Variants in FOXP2 observed in about 807,000 individuals in gnomAD.
FOXP2 encodes the protein forkhead box P2, also known as forkhead box protein P2.
Under a neutral mutation model 115.8 loss-of-function variants are expected in FOXP2, and 12 were observed. That is an observed-to-expected ratio of 0.10 (90% CI 0.07 to 0.17). The LOEUF (loss-of-function observed/expected upper bound fraction) is 0.17, where lower values mean the gene tolerates loss of function less well. Among genes scored for constraint, FOXP2 ranks in the 10% least tolerant of loss-of-function variants. The pLI is 1.00. For missense variants in FOXP2, 629 were observed against 843.5 expected (o/e 0.75, Z 3.15); for synonymous variants, 328 against 297.7 (o/e 1.10, Z -1.05).
intron 1 of FOXP2, among the ~76,000 whole-genome samples, chr7:114,143,147 C>CAATAATAATAATAATAATAATAAT (rs77761140): frequency 7.2e-6 from 1 of 139,552 alleles, no homozygotes; most frequent in Non-Finnish European, 1.5e-5. Flanking sequence ...GACCCTGTCT[C>CAATAATAATAATAATAATAATAAT]AATAATAATA....
chr7:114,122,321 C>G (rs1791587808), intron 1 of FOXP2, among the ~76,000 whole-genome samples: 1 of 151,678 alleles, frequency 6.6e-6, no homozygotes. Context: ...GTTTTTAAGT[C>G]CCCTTAAAAG....
intron 2 of FOXP2, among the ~76,000 whole-genome samples, chr7:114,348,140 G>A (rs1791392267): frequency 6.6e-6 from 1 of 151,972 alleles, no homozygotes; most frequent in African/African-American, 2.4e-5. Context: ...GAGTTTTATA[G>A]CAAGAATTGT....
intron 3 of FOXP2, among the ~76,000 whole-genome samples, chr7:114,586,983 C>T (rs1351800501): frequency 1.3e-5 from 2 of 151,644 alleles, no homozygotes; most frequent in African/African-American, 4.8e-5. Flanking sequence ...GTTAATAAAG[C>T]CAAATTAACC....
At chr7:114,160,370 G>GAAGA (rs1264414240), upstream of FOXP2, among the ~76,000 whole-genome samples, 1 of 152,048 alleles carries the variant, frequency 6.6e-6, no homozygotes, top group African/African-American at 2.4e-5. Flanking sequence ...CAGACAATAA[G>GAAGA]AAGAGTTCTT....
intron 2 of FOXP2, among the ~76,000 whole-genome samples, chr7:114,511,390 G>A (rs916433311): frequency 1.3e-5 from 2 of 152,022 alleles, no homozygotes; most frequent in East Asian, 3.9e-4. Flanking sequence ...GACATTTCTC[G>A]ATATCTCTTG....
chr7:114,157,617 C>G (rs1378630456), intron 1 of FOXP2, among the ~76,000 whole-genome samples: 1 of 152,034 alleles, frequency 6.6e-6, no homozygotes, highest in Non-Finnish European at 1.5e-5. Flanking sequence ...TATTCAGGAG[C>G]CCCTCCCTAT....
chr7:114,587,331 G>C (rs1000791242), intron 3 of FOXP2, among the ~76,000 whole-genome samples: 1 of 151,946 alleles, frequency 6.6e-6, no homozygotes, highest in African/African-American at 2.4e-5. Flanking sequence ...TGCAGTGTTT[G>C]GTTTTCTGAT....
At chr7:114,094,979 T>C (rs1250568431) in intron 1 of FOXP2, among the ~76,000 whole-genome samples, 1 of 152,194 alleles carries the variant, frequency 6.6e-6, no homozygotes, top group African/African-American at 2.4e-5. Context: ...CAAATCTCAG[T>C]GAACTCTCCT....
intron 1 of FOXP2, among the ~76,000 whole-genome samples, chr7:114,253,326 A>G (rs956332636): frequency 7.9e-5 from 12 of 152,072 alleles, no homozygotes; most frequent in Admixed American, 7.2e-4. Context: ...TGCAGAGCTG[A>G]GTTCAATTCC....
chr7:114,439,420 A>G (rs1794500608), intron 2 of FOXP2, among the ~76,000 whole-genome samples: 1 of 152,302 alleles, frequency 6.6e-6, no homozygotes, highest in African/African-American at 2.4e-5. Flanking sequence ...CTTCAAATTC[A>G]GACATCTCTA....
intron 1 of FOXP2, among the ~76,000 whole-genome samples, chr7:114,121,137 G>GAT (rs1329672957): frequency 6.6e-6 from 1 of 152,072 alleles, no homozygotes; most frequent in Non-Finnish European, 1.5e-5. Flanking sequence ...AGAATGAGGA[G>GAT]ATAGGGTCTT....
At chr7:114,492,479 C>G (rs962490155) in intron 2 of FOXP2, among the ~76,000 whole-genome samples, 1 of 152,060 alleles carries the variant, frequency 6.6e-6, no homozygotes, top group South Asian at 2.1e-4. Context: ...GCTCTTGCTT[C>G]TCTAGTTCTT....
intron 2 of FOXP2, among the ~76,000 whole-genome samples, chr7:114,355,528 T>A (rs143103919): frequency 6.6e-6 from 1 of 152,324 alleles, no homozygotes; most frequent in African/African-American, 2.4e-5. Flanking sequence ...CTGTTTTCTA[T>A]GGCTCAGATG....
At chr7:114,620,645 CTG>C (rs1201565228) in intron 3 of FOXP2, among the ~76,000 whole-genome samples, 1 of 151,894 alleles carries the variant, frequency 6.6e-6, no homozygotes, top group Non-Finnish European at 1.5e-5. Flanking sequence ...AATATTGCAA[CTG>C]TGGGAAAATA....
intron 3 of FOXP2, among the ~76,000 whole-genome samples, chr7:114,584,818 A>G (rs745365105): frequency 5.9e-4 from 89 of 152,136 alleles, no homozygotes; most frequent in Non-Finnish European, 1.1e-3. Flanking sequence ...TGGATTGGAA[A>G]GTTCCTCCTT....
At chr7:114,280,272 A>C (rs1217132505) in intron 1 of FOXP2, among the ~76,000 whole-genome samples, 12 of 152,084 alleles carry the variant, frequency 7.9e-5, no homozygotes, top group Non-Finnish European at 1.5e-4. Context: ...TATGATTATA[A>C]AATTTTTTTA....
At chr7:114,299,875 C>A (rs529717772) in intron 2 of FOXP2, among the ~76,000 whole-genome samples, 3 of 152,054 alleles carry the variant, frequency 2.0e-5, no homozygotes, top group Admixed American at 1.3e-4. Flanking sequence ...AAAGTGGTTT[C>A]TTTGTCTTTT....
intron 3 of FOXP2, among the ~76,000 whole-genome samples, chr7:114,591,787 A>G (rs1408798474): frequency 6.6e-6 from 1 of 152,130 alleles, no homozygotes; most frequent in Non-Finnish European, 1.5e-5. Context: ...CAAGCTGCAT[A>G]GGAGGTCGAG....
At chr7:114,404,780 G>A in intron 2 of FOXP2, among the ~76,000 whole-genome samples, 1 of 151,976 alleles carries the variant, frequency 6.6e-6, no homozygotes, top group East Asian at 1.9e-4. Flanking sequence ...TTAACCTAGA[G>A]TGTCTCTTTT....
Sources: gnomAD v4.1 joint callset for allele counts (sites outside exome capture counted in the v4.1 genomes callset) on GRCh38, gnomAD v4.1.1 for gene constraint, MANE v1.5 for transcripts, NCBI Gene and HGNC (gene_info 2026-07-23, HGNC 2026-07-21) for gene names.